PPP2R2C: variants seen among roughly 807,000 people sequenced by gnomAD.
PPP2R2C encodes protein phosphatase 2, regulatory subunit B, gamma.
In PPP2R2C, 10 loss-of-function variants were observed where a neutral mutation model predicts 45.3. The ratio of observed to expected loss-of-function variants is 0.22; its 90% confidence interval spans 0.14 to 0.37. The LOEUF (loss-of-function observed/expected upper bound fraction) is 0.37, where lower values mean the gene tolerates loss of function less well. Among genes scored for constraint, PPP2R2C ranks in the 10% least tolerant of loss-of-function variants. The pLI is 1.00. For missense variants in PPP2R2C, 308 were observed against 619.7 expected (o/e 0.50, Z 5.34); for synonymous variants, 257 against 245.4 (o/e 1.05, Z -0.44).
intron 2 of PPP2R2C, among the ~76,000 whole-genome samples, chr4:6,508,352 C>T (rs1380776904): frequency 6.6e-6 from 1 of 152,040 alleles, no homozygotes; most frequent in Non-Finnish European, 1.5e-5. Context: ...TTTGGGAGGC[C>T]GAGGTGGGCG....
chr4:6,483,749 GT>G (rs1467127394), intron 2 of PPP2R2C, among the ~76,000 whole-genome samples: 1 of 151,924 alleles, frequency 6.6e-6, no homozygotes. Flanking sequence ...TCTCTTAAGT[GT>G]CTTTCAAAAA....
intron 1 of PPP2R2C, among the ~76,000 whole-genome samples, chr4:6,430,794 A>G (rs1719570452): frequency 6.6e-6 from 1 of 152,134 alleles, no homozygotes; most frequent in African/African-American, 2.4e-5. Flanking sequence ...TTGTGGTGGT[A>G]GGCACCTGTA....
chr4:6,524,568 A>G (rs1442400343), intron 2 of PPP2R2C, among the ~76,000 whole-genome samples: 1 of 152,214 alleles, frequency 6.6e-6, no homozygotes, highest in Admixed American at 6.5e-5. Flanking sequence ...GAGGGTCAAG[A>G]CAGCTTGACT....
At chr4:6,357,311 G>GC (rs1042424990) in intron 5 of PPP2R2C, among the ~76,000 whole-genome samples, 14 of 152,184 alleles carry the variant, frequency 9.2e-5, no homozygotes, top group African/African-American at 3.4e-4. Flanking sequence ...TCTGGCTTCA[G>GC]CCCCCCATGT....
chr4:6,380,582 G>C (rs1715702524), intron 2 of PPP2R2C, among the ~76,000 whole-genome samples: 1 of 152,166 alleles, frequency 6.6e-6, no homozygotes, highest in African/African-American at 2.4e-5. Context: ...GAAGGCACAA[G>C]CTGGGGCAGC....
chr4:6,435,163 C>T (rs7675249), intron 1 of PPP2R2C, among the ~76,000 whole-genome samples: 149,026 of 152,314 alleles, frequency 0.98, 72,975 homozygotes, highest in Middle Eastern at 1. Flanking sequence ...CTGTCCTCTG[C>T]ATCATGTTCT....
rs141491737 is a variant in PPP2R2C, at chr4:6,389,928, C to T, written c.71-8834G>A. On this transcript the variant is annotated intron_variant, in intron 1 of 8. Transcript: ENST00000382599. ...CCCCCAGGCCTGGTTCTCCTCTCAG[C>T]GTTTATGGGGTCAGAGATGGGAGGC... 1.8e-3 allele frequency among the ~76,000 whole-genome samples: 277 copies of T among 152,170 alleles called. 1 individual carries two copies. The highest frequency in any genetic ancestry group is 6.4e-3 in the African/African-American group (264 of 41,492).
intron 4 of PPP2R2C, among the ~76,000 whole-genome samples, chr4:6,373,900 CATGTGTGTGT>C (rs1715085939): frequency 1.6e-5 from 2 of 123,798 alleles, no homozygotes; most frequent in African/African-American, 6.9e-5. Context: ...TATGTGCATG[CATGTGTGTGT>C]GTGTGTGTGT....
chr4:6,512,359 ATGG>A (rs375130684), intron 2 of PPP2R2C, among the ~76,000 whole-genome samples: 102 of 10,966 alleles, frequency 9.3e-3, no homozygotes, highest in African/African-American at 0.033. Flanking sequence ...GATGGTGCTG[ATGG>A]TGGTGGTGGT....
At chr4:6,396,521 G>C (rs571355348) in intron 1 of PPP2R2C, among the ~76,000 whole-genome samples, 215 of 152,360 alleles carry the variant, frequency 1.4e-3, no homozygotes, top group Non-Finnish European at 2.0e-3. Context: ...CCAACTCCCA[G>C]CCTGGGCACA....
intron 5 of PPP2R2C, among the ~76,000 whole-genome samples, chr4:6,355,286 G>A (rs1713048582): frequency 6.6e-6 from 1 of 152,092 alleles, no homozygotes; most frequent in South Asian, 2.1e-4. Context: ...TCAAGGGGAA[G>A]CAGCTGTTAA....
intron 1 of PPP2R2C, among the ~76,000 whole-genome samples, chr4:6,416,797 G>A (rs140465239): frequency 2.0e-5 from 3 of 152,356 alleles, no homozygotes; most frequent in East Asian, 3.9e-4. Flanking sequence ...GGCTGGAGGA[G>A]GAGGGAGACA....
intron 5 of PPP2R2C, chr4:6,348,544 AC>A (rs1712222667): frequency 1.1e-5 from 8 of 734,170 alleles, no homozygotes; most frequent in Non-Finnish European, 1.3e-5. Context: ...CCTTCTTCTG[AC>A]CACAGTATGG....
At chr4:6,435,608 T>A (rs1420214702) in intron 1 of PPP2R2C, among the ~76,000 whole-genome samples, 1 of 152,234 alleles carries the variant, frequency 6.6e-6, no homozygotes, top group Non-Finnish European at 1.5e-5. Flanking sequence ...GATGAGTTCT[T>A]CCTGAACCAT....
At chr4:6,459,497 AAAC>A (rs1389422820) in intron 1 of PPP2R2C, among the ~76,000 whole-genome samples, 2 of 152,212 alleles carry the variant, frequency 1.3e-5, no homozygotes, top group Non-Finnish European at 2.9e-5. Context: ...ATGCTACCAG[AAAC>A]AACAAACCAA....
chr4:6,372,034 G>C (rs530178860), intron 5 of PPP2R2C, among the ~76,000 whole-genome samples: 7 of 152,178 alleles, frequency 4.6e-5, no homozygotes, highest in Non-Finnish European at 4.4e-5. Flanking sequence ...ACCGAGCAGG[G>C]GGCCCTCAGG....
intron 8 of PPP2R2C, among the ~76,000 whole-genome samples, chr4:6,325,729 T>C (rs951009399): frequency 1.3e-5 from 2 of 152,152 alleles, no homozygotes; most frequent in African/African-American, 4.8e-5. Context: ...GAGCCATTCC[T>C]CACATTCAGG....
rs1242368025 is a variant in PPP2R2C at position 6,444,321 on chromosome 4, CAG to C, written c.70+27837_70+27838del. Among the ~76,000 whole-genome samples, 3 of 152,170 alleles carry C rather than the reference CAG, an allele frequency of 2.0e-5. No individual in the cohort carries two copies. In the East Asian group the frequency reaches 5.8e-4, roughly 29 times the overall value. On this transcript the variant is annotated intron_variant, in intron 1 of 8. Coordinates refer to ENST00000382599, the MANE Select transcript of PPP2R2C (RefSeq NM_020416.4). ...GCCAGACAGGTAGGCCTGGTGGAGA[CAG>C]GGATGGAGGGCCAGGCACCGTGACC...
At chr4:6,416,601 C>T (rs1048478553) in intron 1 of PPP2R2C, among the ~76,000 whole-genome samples, 2 of 152,234 alleles carry the variant, frequency 1.3e-5, no homozygotes, top group African/African-American at 2.4e-5. Flanking sequence ...CAGCAGCCTG[C>T]AGGCTCCTCT....
Sources: allele counts gnomAD v4.1 joint callset (sites outside exome capture counted in the v4.1 genomes callset), GRCh38; gene constraint gnomAD v4.1.1; transcripts MANE v1.5; gene names NCBI Gene and HGNC (gene_info 2026-07-23, HGNC 2026-07-21).